Variants in APBA2 observed in about 807,000 individuals in gnomAD.
The protein encoded by APBA2 is amyloid-beta A4 precursor protein-binding family A member 2.
A neutral mutation model predicts 75.0 loss-of-function variants in APBA2; 30 were observed. The observed-to-expected ratio is 0.40, with a 90% CI of 0.30 to 0.54. The LOEUF (loss-of-function observed/expected upper bound fraction) is 0.54. Ranked by LOEUF, APBA2 falls within the 20% of genes least tolerant of loss-of-function variation. APBA2 has a pLI of 0.49. For missense variants in APBA2, 801 were observed against 1,016.1 expected (o/e 0.79, Z 2.88); for synonymous variants, 444 against 409.6 (o/e 1.08, Z -1.01).
chr15:29,080,905 G>A (rs1407892760), intron 6 of APBA2, among the ~76,000 whole-genome samples: 2 of 152,192 alleles, frequency 1.3e-5, no homozygotes, highest in African/African-American at 4.8e-5. Context: ...GCTCATACAG[G>A]ATGTTTTGAA....
intron 1 of APBA2, among the ~76,000 whole-genome samples, chr15:28,908,600 C>T (rs565289759): frequency 4.3e-4 from 66 of 152,172 alleles, no homozygotes; most frequent in Non-Finnish European, 7.5e-4. Context: ...TGAGCCACTG[C>T]ACCAGGCCCA....
intron 6 of APBA2, among the ~76,000 whole-genome samples, chr15:29,088,992 C>T (rs1399362745): frequency 6.6e-6 from 1 of 152,210 alleles, no homozygotes; most frequent in Non-Finnish European, 1.5e-5. Flanking sequence ...ATTCCTTCTC[C>T]TCCTCCAGAC....
intron 4 of APBA2, among the ~76,000 whole-genome samples, chr15:29,068,356 A>C (rs768821600): frequency 3.7e-4 from 57 of 152,250 alleles, no homozygotes; most frequent in Non-Finnish European, 7.3e-4. Flanking sequence ...TGGTATTAGA[A>C]AGGGTTGATG....
In APBA2 at chr15:29,117,891, G is replaced by A. The variant is rs1235931530; in HGVS notation, c.*758G>A. ...CCGGGCAGGGCTCCCACAGAGACAAGGAGGGCACAGGTGTCTGCCCCCTCT... is the reference window on the plus strand; with the variant it reads ...CCGGGCAGGGCTCCCACAGAGACAAAGAGGGCACAGGTGTCTGCCCCCTCT... On this transcript the variant is annotated 3_prime_UTR_variant, in exon 15 of 15. Transcript: ENST00000683413. The A allele has an allele frequency of 2.1e-5, 3 of 139,566 alleles. No homozygotes were observed. Among genetic ancestry groups the A allele is most frequent in the African/African-American group, 3.3e-5 (1 of 29,936 alleles). 8.6% of individuals were successfully genotyped at this position (139,566 alleles called of 1,614,324 possible). A position where few individuals can be genotyped will look rare whatever the true frequency, so the allele number is the denominator to read the frequency against.
At chr15:29,094,379 A>G (rs2152953456) in intron 8 of APBA2, 66 bp downstream of exon 8, 2 of 1,537,144 alleles carry the variant, frequency 1.3e-6, no homozygotes, top group South Asian at 1.1e-5. Flanking sequence ...TGTCCTGGGC[A>G]GTGGGGGCTG....
intron 14 of APBA2, among the ~76,000 whole-genome samples, chr15:29,116,396 G>A (rs2045141291): frequency 6.6e-6 from 1 of 152,134 alleles, no homozygotes; most frequent in African/African-American, 2.4e-5. Flanking sequence ...GGAGGCCGAG[G>A]CGGGCGTATC....
intron 1 of APBA2, among the ~76,000 whole-genome samples, chr15:28,911,525 T>G (rs1389138874): frequency 6.6e-6 from 1 of 152,332 alleles, no homozygotes; most frequent in East Asian, 1.9e-4. Flanking sequence ...ATTAATGCAC[T>G]TCCTTTTGTC....
intron 3 of APBA2, among the ~76,000 whole-genome samples, chr15:29,013,143 T>A (rs926240950): frequency 3.9e-5 from 6 of 151,916 alleles, no homozygotes; most frequent in African/African-American, 1.2e-4. Context: ...GACATAATAT[T>A]TTTTTTTACT....
intron 3 of APBA2, among the ~76,000 whole-genome samples, chr15:28,998,868 C>T (rs993026163): frequency 3.9e-5 from 6 of 152,218 alleles, no homozygotes; most frequent in Non-Finnish European, 7.3e-5. Context: ...AGGCCTATGC[C>T]GGGCACGGTG....
intron 1 of APBA2, among the ~76,000 whole-genome samples, chr15:28,915,578 GC>G: frequency 7.1e-6 from 1 of 139,952 alleles, no homozygotes; most frequent in East Asian, 2.3e-4. Flanking sequence ...ACATATCACA[GC>G]ACCCATACCA....
chr15:29,027,588 A>G (rs2040282631), intron 3 of APBA2, among the ~76,000 whole-genome samples: 2 of 150,364 alleles, frequency 1.3e-5, no homozygotes. Context: ...AATTTTTTTT[A>G]GTCTTTTATC....
At chr15:28,980,793 C>T (rs946161118) in intron 2 of APBA2, among the ~76,000 whole-genome samples, 5 of 152,174 alleles carry the variant, frequency 3.3e-5, no homozygotes, top group Admixed American at 2.6e-4. Flanking sequence ...AACTATACTA[C>T]GAGGCTGCAG....
At chr15:28,916,833 GT>G (rs1165762103) in intron 1 of APBA2, among the ~76,000 whole-genome samples, 1 of 152,150 alleles carries the variant, frequency 6.6e-6, no homozygotes, top group Non-Finnish European at 1.5e-5. Flanking sequence ...GGGTACTTAG[GT>G]TTCCAGTTTT....
chr15:28,920,623 G>A (rs977051222), intron 1 of APBA2, among the ~76,000 whole-genome samples: 1 of 152,210 alleles, frequency 6.6e-6, no homozygotes, highest in Non-Finnish European at 1.5e-5. Flanking sequence ...GCCTCCAGCT[G>A]GGTGGCCTGC....
Position 29,105,545 on chromosome 15 carries a change from A to G in APBA2, c.1691A>G (p.Glu564Gly). 6.2e-7 allele frequency: 1 copy of G among 1,613,540 alleles called. No individual in the cohort carries two copies. Among genetic ancestry groups the G allele is most frequent in the Non-Finnish European group, 8.5e-7 (1 of 1,180,030 alleles). Residue 564 changes from glutamate to glycine, a missense_variant, in exon 11 of 15, where the codon GAG becomes GGG. Glu to Gly is a moderately conservative substitution (Grantham distance 98). This residue lies in a region of APBA2 where 367 missense variants were observed against 544.5 expected (regional missense o/e 0.67). Transcript: ENST00000683413. ...NDDLIHFSNS[E>G]NCKELQLEKH... ...GACCTCATCCACTTCTCAAACTCGG[A>G]GAACTGCAAGGAGGTAAGCCACACC...
intron 1 of APBA2, among the ~76,000 whole-genome samples, chr15:28,896,590 T>C (rs1167589844): frequency 1.3e-5 from 2 of 152,148 alleles, no homozygotes; most frequent in Non-Finnish European, 2.9e-5. Flanking sequence ...CTTTCTTTAT[T>C]GTGATGTAGA....
chr15:28,903,433 C>T (rs2032972676), intron 1 of APBA2, among the ~76,000 whole-genome samples: 1 of 152,196 alleles, frequency 6.6e-6, no homozygotes, highest in African/African-American at 2.4e-5. Flanking sequence ...CACTTTGTTC[C>T]TGCAGAAAGG....
chr15:29,083,544 G>A (rs1174684725), intron 6 of APBA2, among the ~76,000 whole-genome samples: 3 of 151,754 alleles, frequency 2.0e-5, no homozygotes, highest in African/African-American at 7.3e-5. Context: ...GTTTTGTTTT[G>A]TTTTGAGACA....
intron 1 of APBA2, among the ~76,000 whole-genome samples, chr15:28,895,324 C>T (rs896168592): frequency 1.3e-5 from 2 of 152,266 alleles, no homozygotes; most frequent in Admixed American, 6.5e-5. Context: ...ACGGGGCTCC[C>T]AGTAGCTTTC....
Sources: gnomAD v4.1 joint callset for allele counts (sites outside exome capture counted in the v4.1 genomes callset) on GRCh38, gnomAD v4.1.1 for gene constraint, gnomAD v4.1.1 regional missense constraint, MANE v1.5 for transcripts, NCBI Gene and HGNC (gene_info 2026-07-23, HGNC 2026-07-21) for gene names.